The following SYNJ1 variants were observed in gnomAD, a reference collection of about 807,000 sequenced individuals.
SYNJ1 encodes synaptojanin 1.
In SYNJ1, 78 loss-of-function variants were observed where a neutral mutation model predicts 168.2. The ratio of observed to expected loss-of-function variants is 0.46; its 90% CI spans 0.39 to 0.56. SYNJ1 has a LOEUF of 0.56. Among genes scored for constraint, SYNJ1 ranks in the 20% least tolerant of loss-of-function variants. The pLI is 0.00. For missense variants in SYNJ1, 1,303 were observed against 1,597.6 expected, an observed-to-expected ratio of 0.82 and a Z score of 3.14; for synonymous variants, 539 against 548.6, an observed-to-expected ratio of 0.98 and a Z score of 0.24.
chr21:32,631,866 T>C (rs1177359865), intron 32 of SYNJ1, 65 bp from the exon 33 acceptor site: 1 of 1,389,766 alleles, frequency 7.2e-7, no homozygotes, highest in Non-Finnish European at 9.7e-7. Context: ...CTATTCTTCC[T>C]GTCTCAATTA....
chr21:32,711,181 A>C (rs1272823909), intron 2 of SYNJ1, among the ~76,000 whole-genome samples: 1 of 152,234 alleles, frequency 6.6e-6, no homozygotes, highest in African/African-American at 2.4e-5. Context: ...GGAAGGTGAC[A>C]AAAATAGAAA....
intron 31 of SYNJ1, among the ~76,000 whole-genome samples, chr21:32,638,692 G>A (rs912393214): frequency 2.6e-5 from 4 of 151,722 alleles, no homozygotes; most frequent in East Asian, 1.9e-4. Flanking sequence ...GCAAGACTTC[G>A]TCTTAAAAAG....
intron 6 of SYNJ1, among the ~76,000 whole-genome samples, chr21:32,690,757 T>C (rs1047486334): frequency 2.0e-5 from 3 of 152,084 alleles, no homozygotes; most frequent in Admixed American, 6.5e-5. Context: ...ACCTTGTCTC[T>C]ACTAAAATAC....
intron 2 of SYNJ1, among the ~76,000 whole-genome samples, chr21:32,708,632 A>G (rs1289916133): frequency 6.6e-6 from 1 of 152,234 alleles, no homozygotes; most frequent in Non-Finnish European, 1.5e-5. Flanking sequence ...TCCAACTTCT[A>G]AAGTTTCTGC....
intron 2 of SYNJ1, among the ~76,000 whole-genome samples, chr21:32,708,366 G>A (rs1237781145): frequency 1.3e-5 from 2 of 152,140 alleles, no homozygotes. Context: ...TTCAACGAAT[G>A]GAATAAACTC....
chr21:32,643,194 C>G (rs1393318126), intron 27 of SYNJ1, among the ~76,000 whole-genome samples: 1 of 151,824 alleles, frequency 6.6e-6, no homozygotes, highest in Non-Finnish European at 1.5e-5. Flanking sequence ...TTAAGGATCT[C>G]AGGGAAATTA....
intron 18 of SYNJ1, among the ~76,000 whole-genome samples, chr21:32,662,243 T>C (rs1025633603): frequency 4.6e-5 from 7 of 152,172 alleles, no homozygotes; most frequent in Non-Finnish European, 7.3e-5. Flanking sequence ...AGGAGAATCA[T>C]CGTGGGACTC....
rs779813770 is a variant in SYNJ1 at position 32,727,943 on chromosome 21, C to T, written c.-23+3G>A. 9.8e-6 allele frequency: 15 copies of T among 1,532,998 alleles called. No individual in the cohort carries two copies. Among genetic ancestry groups the T allele is most frequent in the African/African-American group, 2.8e-5 (2 of 72,510 alleles). The allele number at this position is 1,532,998 out of a possible 1,614,324, so 95.0% of individuals were successfully genotyped here. On this transcript the variant is annotated splice_donor_region_variant and intron_variant, in intron 1 of 32. Transcript: ENST00000674351. Reference sequence around the variant, plus strand: ...GCTCCCCGCCCCCCGCCGGCTTGCTCACCTCTTCCTCCGGCTCCTCCTCCT... The same window carrying T: ...GCTCCCCGCCCCCCGCCGGCTTGCTTACCTCTTCCTCCGGCTCCTCCTCCT...
intron 21 of SYNJ1, 25 bp from the exon 22 acceptor site, chr21:32,653,391 A>G (rs1160799436): frequency 3.2e-6 from 5 of 1,540,464 alleles, no homozygotes; most frequent in Non-Finnish European, 4.5e-6. Context: ...ATAAAAAACC[A>G]TAATTAATAC....
At chr21:32,673,621 A>C in intron 13 of SYNJ1, 90 bp from the exon 14 acceptor site, 1 of 1,131,958 alleles carries the variant, frequency 8.8e-7, no homozygotes, top group Non-Finnish European at 1.2e-6. Flanking sequence ...GTCCGCTGGA[A>C]AGCACAATTA....
At chr21:32,681,882 T>C (rs568555830) in intron 10 of SYNJ1, among the ~76,000 whole-genome samples, 11 of 152,278 alleles carry the variant, frequency 7.2e-5, no homozygotes, top group African/African-American at 2.4e-4. Context: ...TCTGGTTAAA[T>C]GATAAAATTT....
At chr21:32,668,042 T>G (rs996231861) in intron 15 of SYNJ1, among the ~76,000 whole-genome samples, 7 of 148,904 alleles carry the variant, frequency 4.7e-5, no homozygotes, top group Admixed American at 4.7e-4. Context: ...TGTGTGTGTG[T>G]GTGTGTGCAT....
At chr21:32,640,388 C>T (rs547865303) in intron 29 of SYNJ1, among the ~76,000 whole-genome samples, 2 of 152,164 alleles carry the variant, frequency 1.3e-5, no homozygotes, top group Admixed American at 6.5e-5. Context: ...CCTCTGCCTC[C>T]TGGGTTCTGG....
At chr21:32,641,165 T>C (rs567483893) in intron 29 of SYNJ1, among the ~76,000 whole-genome samples, 1 of 152,218 alleles carries the variant, frequency 6.6e-6, no homozygotes, top group Non-Finnish European at 1.5e-5. Flanking sequence ...TCTTAATTTC[T>C]AGGTACAGTA....
At chr21:32,725,085 A>C (rs1340113569) in intron 2 of SYNJ1, among the ~76,000 whole-genome samples, 2 of 152,240 alleles carry the variant, frequency 1.3e-5, no homozygotes, top group African/African-American at 4.8e-5. Context: ...TAGGTTTCCT[A>C]ACCTTGGAGT....
rs530073388 is a variant in SYNJ1, at chr21:32,670,933, G to A, written c.1727-561C>T. 241 of 520,002 alleles carry A rather than the reference G, an allele frequency of 4.6e-4. No individual in the cohort carries two copies. In the Middle Eastern group the frequency reaches 8.0e-3, roughly 17 times the overall value. 32.2% of individuals were successfully genotyped at this position (520,002 alleles called of 1,614,324 possible). A position where few individuals can be genotyped will look rare whatever the true frequency, so the allele number is the denominator to read the frequency against. On this transcript the variant is annotated intron_variant, in intron 14 of 32. Coordinates refer to ENST00000674351, the MANE Select transcript of SYNJ1 (RefSeq NM_203446.3). ...CACTCTGGAAACTACAAGGACTAAC[G>A]GAGAACAGAGCTGCCTGAGAAAGCA...
At chr21:32,632,347 A>T in intron 32 of SYNJ1, among the ~76,000 whole-genome samples, 1 of 151,720 alleles carries the variant, frequency 6.6e-6, no homozygotes, top group East Asian at 1.9e-4. Flanking sequence ...TCTGTCTTCT[A>T]CTTGGAAAAA....
intron 2 of SYNJ1, among the ~76,000 whole-genome samples, chr21:32,715,397 C>T (rs1156537492): frequency 1.3e-5 from 2 of 151,886 alleles, no homozygotes; most frequent in African/African-American, 4.8e-5. Flanking sequence ...TCACCTGAAC[C>T]CAGGAGGCTG....
rs964382126 is a variant in SYNJ1, at chr21:32,681,514, A to G, written c.1335T>C (p.Ala445=). The change falls in exon 11 of 33, where the codon GCT becomes GCC. Residue 445 remains alanine (A), a synonymous_variant. Coordinates refer to ENST00000674351, the MANE Select transcript of SYNJ1 (RefSeq NM_203446.3). The part of the protein sequence containing the change: ...SISKIYAGTG[A]LEGKAKLKDG... The stretch of plus-strand genomic sequence containing the variant: ...GATATACCTTCGCTTTCCCTTCAAG[A>G]GCTCCAGTTCCTGCATATATCTTAC... 4 of 1,612,332 alleles carry G rather than the reference A, an allele frequency of 2.5e-6. No homozygotes were observed. The highest frequency in any genetic ancestry group is 3.4e-6 in the Non-Finnish European group (4 of 1,179,116).
Sources: allele counts gnomAD v4.1 joint callset (sites outside exome capture counted in the v4.1 genomes callset), GRCh38; gene constraint gnomAD v4.1.1; transcripts MANE v1.5; gene names NCBI Gene and HGNC (gene_info 2026-07-23, HGNC 2026-07-21).